SEMA3E: variants seen among roughly 807,000 people sequenced by gnomAD.
SEMA3E encodes semaphorin-3E.
A neutral mutation model predicts 93.6 loss-of-function variants in SEMA3E; 49 were observed. The ratio of observed to expected loss-of-function variants is 0.52; its 90% CI spans 0.42 to 0.66. The LOEUF (loss-of-function observed/expected upper bound fraction) is 0.66, where lower values mean the gene tolerates loss of function less well. SEMA3E is among the 30% of genes least tolerant of loss of function. The pLI, the probability that SEMA3E is intolerant of heterozygous loss-of-function variation, is 0.00. For synonymous variants in SEMA3E, 363 were observed against 330.7 expected, an observed-to-expected ratio of 1.10 and a Z score of -1.06; for missense variants, 906 against 964.8, an observed-to-expected ratio of 0.94 and a Z score of 0.81.
At chr7:83,511,602 A>T (rs1452330950) in intron 1 of SEMA3E, among the ~76,000 whole-genome samples, 1 of 152,082 alleles carries the variant, frequency 6.6e-6, no homozygotes, top group Non-Finnish European at 1.5e-5. Context: ...ATGAAAGAAG[A>T]GTCCTAGTGC....
chr7:83,550,984 AT>A (rs1791752955), intron 1 of SEMA3E, among the ~76,000 whole-genome samples: 4 of 152,238 alleles, frequency 2.6e-5, no homozygotes, highest in African/African-American at 9.6e-5. Flanking sequence ...TCAATGAGTT[AT>A]TTTAGATGCA....
intron 1 of SEMA3E, among the ~76,000 whole-genome samples, chr7:83,505,174 G>A (rs1340218018): frequency 6.6e-6 from 1 of 152,006 alleles, no homozygotes; most frequent in East Asian, 1.9e-4. Context: ...ACCTTTGGGG[G>A]TATACATTTT....
chr7:83,576,605 C>T (rs1175272316), intron 1 of SEMA3E, among the ~76,000 whole-genome samples: 1 of 151,808 alleles, frequency 6.6e-6, no homozygotes, highest in African/African-American at 2.4e-5. Flanking sequence ...ATTCATCTAT[C>T]GATCTATCTC....
chr7:83,430,728 G>A (rs1354410416), intron 4 of SEMA3E, among the ~76,000 whole-genome samples: 1 of 152,132 alleles, frequency 6.6e-6, no homozygotes, highest in Non-Finnish European at 1.5e-5. Context: ...CCTAATGGAT[G>A]TGGAGCTTAA....
At chr7:83,460,548 C>G (rs1170089847) in intron 4 of SEMA3E, among the ~76,000 whole-genome samples, 1 of 151,792 alleles carries the variant, frequency 6.6e-6, no homozygotes, top group Non-Finnish European at 1.5e-5. Context: ...TGGTCCTTCA[C>G]CTTTAGCGGC....
chr7:83,392,507 A>C, intron 14 of SEMA3E, 48 bp downstream of exon 14: 1 of 1,489,102 alleles, frequency 6.7e-7, no homozygotes, highest in Non-Finnish European at 9.3e-7. Context: ...AAAAAGCATT[A>C]GGGTTTTCCT....
intron 5 of SEMA3E, among the ~76,000 whole-genome samples, chr7:83,410,151 G>A (rs1788410423): frequency 6.6e-6 from 1 of 151,674 alleles, no homozygotes; most frequent in Non-Finnish European, 1.5e-5. Flanking sequence ...AACACTCTAT[G>A]AGATACAAAT....
At chr7:83,492,168 A>G (rs1790399587) in intron 1 of SEMA3E, among the ~76,000 whole-genome samples, 1 of 151,990 alleles carries the variant, frequency 6.6e-6, no homozygotes, top group African/African-American at 2.4e-5. Flanking sequence ...CCTAGACTAC[A>G]GAGCTACCCA....
At chr7:83,504,820 T>G (rs1244814732) in intron 1 of SEMA3E, among the ~76,000 whole-genome samples, 1 of 152,186 alleles carries the variant, frequency 6.6e-6, no homozygotes, top group Non-Finnish European at 1.5e-5. Context: ...AAGGCTCTTA[T>G]GTGTTAGGTA....
intron 1 of SEMA3E, among the ~76,000 whole-genome samples, chr7:83,530,986 C>A (rs1210302469): frequency 6.6e-6 from 1 of 152,060 alleles, no homozygotes; most frequent in African/African-American, 2.4e-5. Flanking sequence ...ACATCACACA[C>A]AAAAACACAT....
At chr7:83,574,916 T>C (rs928024106) in intron 1 of SEMA3E, among the ~76,000 whole-genome samples, 7 of 152,178 alleles carry the variant, frequency 4.6e-5, no homozygotes, top group African/African-American at 1.4e-4. Flanking sequence ...CTAAAGTGAC[T>C]GAGGTGTTTT....
rs191846972 is a variant in SEMA3E, at chr7:83,516,101, C to T, written c.116-25827G>A. On this transcript the variant is annotated intron_variant, in intron 1 of 16. Transcript: ENST00000643230. ...GGAAAACAACTGTTTGTCAGTGATC[C>T]TCTCAGATCATTAAATTGACATTTT... Among the ~76,000 whole-genome samples, 189 of 152,222 alleles carry T rather than the reference C, an allele frequency of 1.2e-3. 1 individual carries two copies. The highest frequency in any genetic ancestry group is 4.2e-3 in the African/African-American group (175 of 41,546).
intron 8 of SEMA3E, 60 bp downstream of exon 8, chr7:83,405,885 T>C: frequency 8.3e-7 from 1 of 1,204,858 alleles, no homozygotes; most frequent in African/African-American, 1.5e-5. Flanking sequence ...GTCCTAGGGA[T>C]AAAGTTATAA....
chr7:83,596,989 A>G (rs1472078887), intron 1 of SEMA3E, among the ~76,000 whole-genome samples: 1 of 152,116 alleles, frequency 6.6e-6, no homozygotes, highest in African/African-American at 2.4e-5. Flanking sequence ...TTAACACTCA[A>G]ATCTATGACT....
intron 16 of SEMA3E, among the ~76,000 whole-genome samples, chr7:83,376,067 T>G (rs1280447937): frequency 3.3e-5 from 5 of 152,100 alleles, no homozygotes; most frequent in African/African-American, 1.2e-4. Flanking sequence ...GATGAGCACA[T>G]TTTTTAAATA....
intron 4 of SEMA3E, among the ~76,000 whole-genome samples, chr7:83,423,198 A>G (rs185034569): frequency 6.6e-6 from 1 of 152,300 alleles, no homozygotes; most frequent in Admixed American, 6.5e-5. Context: ...TCTGTGCAAT[A>G]CGTAAATCTA....
Position 83,402,737 on chromosome 7 carries a change from C to T in SEMA3E, c.1038G>A (p.Met346Ile). The part of the protein sequence containing the change: ...FRGHAICVYH[M>I]SSIRAAFNGP... ...CGTTGAAGGCTGCCCGAATGCTAGA[C>T]ATGTGATAGACACATATAGCATGCC... The change falls in exon 10 of 17, where the codon ATG becomes ATA. Residue 346 changes from methionine (M) to isoleucine (I), a missense_variant. Coordinates refer to ENST00000643230, the MANE Select transcript of SEMA3E (RefSeq NM_012431.3). 6.2e-7 allele frequency: 1 copy of T among 1,612,814 alleles called. No individual in the cohort carries two copies. The highest frequency in any genetic ancestry group is 8.5e-7 in the Non-Finnish European group (1 of 1,179,140).
At chr7:83,608,212 CA>C (rs1267670732) in intron 1 of SEMA3E, among the ~76,000 whole-genome samples, 2 of 144,328 alleles carry the variant, frequency 1.4e-5, no homozygotes, top group Non-Finnish European at 3.0e-5. Context: ...GACTCAGTCT[CA>C]AAAAAAAGAA....
At chr7:83,644,413 A>G (rs1328632947) in intron 1 of SEMA3E, among the ~76,000 whole-genome samples, 1 of 151,958 alleles carries the variant, frequency 6.6e-6, no homozygotes, top group Non-Finnish European at 1.5e-5. Context: ...ATATAAACTC[A>G]TAACATTTTC....
Sources: gnomAD v4.1 joint callset for allele counts (sites outside exome capture counted in the v4.1 genomes callset) on GRCh38, gnomAD v4.1.1 for gene constraint, MANE v1.5 for transcripts, NCBI Gene and HGNC (gene_info 2026-07-23, HGNC 2026-07-21) for gene names.